EPHA6: variants seen among roughly 807,000 people sequenced by gnomAD.
EPHA6 encodes EPH receptor A6.
A neutral mutation model predicts 112.0 loss-of-function variants in EPHA6; 50 were observed. That is an observed-to-expected ratio of 0.45 (90% CI 0.36 to 0.56). EPHA6 has a LOEUF of 0.56. EPHA6 is among the 20% of genes least tolerant of loss of function. The probability of loss-of-function intolerance (pLI) is 0.00; values close to 1 mark genes in which losing one functional copy is unlikely to be tolerated. For missense variants in EPHA6, 1,280 were observed against 1,417.4 expected (o/e 0.90, Z 1.56); for synonymous variants, 529 against 490.7 (o/e 1.08, Z -1.03).
At chr3:96,909,423 GA>G (rs1403281880) in intron 2 of EPHA6, among the ~76,000 whole-genome samples, 2 of 151,744 alleles carry the variant, frequency 1.3e-5, no homozygotes, top group African/African-American at 4.8e-5. Context: ...ATACTAGTTT[GA>G]TTTTTTTTAA....
At chr3:97,234,745 T>G (rs2078632265) in intron 4 of EPHA6, among the ~76,000 whole-genome samples, 1 of 152,104 alleles carries the variant, frequency 6.6e-6, no homozygotes, top group Admixed American at 6.6e-5. Context: ...TTTATTGCCC[T>G]TTTATCTTTT....
At chr3:97,317,790 T>A (rs2081916541) in intron 5 of EPHA6, among the ~76,000 whole-genome samples, 1 of 151,978 alleles carries the variant, frequency 6.6e-6, no homozygotes, top group Admixed American at 6.6e-5. Flanking sequence ...TTTCTAGAAC[T>A]GCATGGTGCT....
At position 97,106,351 on chromosome 3, in the gene EPHA6, C is replaced by T. The variant is rs1173385381; in HGVS notation, c.1114+118358C>T. On this transcript the variant is annotated intron_variant, in intron 3 of 17. Transcript: ENST00000389672. ...TATGGTTTCCAAACCCTCAGAATTT[C>T]CCCCAATCTCAATTCCAGGTTTACA... Among the ~76,000 whole-genome samples the T allele has an allele frequency of 4.6e-5, 7 of 151,878 alleles. No individual in the cohort carries two copies. The East Asian group carries it at 5.8e-4, about 13-fold the overall frequency.
intron 1 of EPHA6, among the ~76,000 whole-genome samples, chr3:96,860,683 G>A (rs1211229289): frequency 6.6e-6 from 1 of 151,894 alleles, no homozygotes; most frequent in African/African-American, 2.4e-5. Context: ...AGCTAAATGG[G>A]GCACTTCTTT....
intron 11 of EPHA6, among the ~76,000 whole-genome samples, chr3:97,540,642 A>G (rs1241200985): frequency 6.6e-6 from 1 of 152,218 alleles, no homozygotes; most frequent in African/African-American, 2.4e-5. Flanking sequence ...TGTCGGGTAG[A>G]CTACACTATG....
intron 5 of EPHA6, among the ~76,000 whole-genome samples, chr3:97,331,280 C>A (rs1390094248): frequency 6.6e-6 from 1 of 151,832 alleles, no homozygotes; most frequent in African/African-American, 2.4e-5. Context: ...GCACTAAATG[C>A]CCACAAGAGA....
chr3:97,681,201 C>A (rs1472527214), intron 14 of EPHA6, among the ~76,000 whole-genome samples: 1 of 151,976 alleles, frequency 6.6e-6, no homozygotes, highest in African/African-American at 2.4e-5. Flanking sequence ...ATCAAACTGG[C>A]AGAAATTAAA....
chr3:97,006,119 A>T (rs1336771098), intron 3 of EPHA6, among the ~76,000 whole-genome samples: 1 of 152,138 alleles, frequency 6.6e-6, no homozygotes, highest in Non-Finnish European at 1.5e-5. Context: ...TATCAGGATG[A>T]TGTTGGCTTC....
chr3:97,682,886 G>C (rs2031971148), intron 14 of EPHA6, among the ~76,000 whole-genome samples: 1 of 152,136 alleles, frequency 6.6e-6, no homozygotes, highest in Non-Finnish European at 1.5e-5. Context: ...TACAAGAATT[G>C]ATAAACAGAG....
At chr3:97,221,446 G>A (rs1190865011) in intron 3 of EPHA6, among the ~76,000 whole-genome samples, 1 of 149,494 alleles carries the variant, frequency 6.7e-6, no homozygotes, top group Admixed American at 6.7e-5. Flanking sequence ...GTAGAATATA[G>A]ACATATGTTG....
chr3:97,600,622 C>G (rs2093635330), intron 12 of EPHA6, among the ~76,000 whole-genome samples: 1 of 152,020 alleles, frequency 6.6e-6, no homozygotes, highest in African/African-American at 2.4e-5. Context: ...CTACTCTCTT[C>G]CCCAAGAAAA....
chr3:97,210,134 G>T (rs531110926), intron 3 of EPHA6, among the ~76,000 whole-genome samples: 20 of 152,208 alleles, frequency 1.3e-4, no homozygotes, highest in African/African-American at 4.8e-4. Context: ...TTTATAATCT[G>T]AATATCCTTA....
intron 3 of EPHA6, among the ~76,000 whole-genome samples, chr3:97,071,760 G>A (rs891242661): frequency 3.9e-5 from 6 of 151,990 alleles, no homozygotes; most frequent in Non-Finnish European, 8.8e-5. Flanking sequence ...GAGGGGAACA[G>A]GTGGTGTTTG....
At position 96,987,654 on chromosome 3, in the gene EPHA6, C is replaced by T; in HGVS notation, c.775C>T (p.Arg259Cys). 1.2e-6 allele frequency: 2 copies of T among 1,607,656 alleles called. No individual in the cohort carries two copies. The highest frequency in any genetic ancestry group is 2.2e-5 in the East Asian group (1 of 44,760). The change falls in exon 3 of 18, where the codon CGC becomes TGC. Residue 259 changes from arginine (R) to cysteine (C), a missense_variant. Physicochemically the swap from Arg to Cys is radical, Grantham distance 180. Around this residue, in one of 4 missense-constraint regions of EPHA6, gnomAD observed 878 missense variants for 999.7 expected, o/e 0.88. Coordinates refer to ENST00000389672, the MANE Select transcript of EPHA6 (RefSeq NM_001080448.3). Reference sequence around the variant, plus strand: ...TTTTACCCAGATGGATTTGGGTGATCGCATCCTCAAACTCAACACTGAAAT... The same window carrying T: ...TTTTACCCAGATGGATTTGGGTGATTGCATCCTCAAACTCAACACTGAAAT... Reference protein sequence around the residue: ...ESFTQMDLGDRILKLNTEIRE... With the variant: ...ESFTQMDLGDCILKLNTEIRE...
At chr3:97,293,759 ACTGGGGAC>A (rs1231965294) in intron 5 of EPHA6, among the ~76,000 whole-genome samples, 1 of 152,150 alleles carries the variant, frequency 6.6e-6, no homozygotes, top group East Asian at 1.9e-4. Flanking sequence ...GAGGGGTTTC[ACTGGGGAC>A]CTGCCCCTTC....
intron 1 of EPHA6, among the ~76,000 whole-genome samples, chr3:96,859,475 G>T (rs1330378266): frequency 1.3e-5 from 2 of 150,876 alleles, no homozygotes; most frequent in Non-Finnish European, 2.9e-5. Flanking sequence ...TAGAACTCCT[G>T]GGCTCAAGCG....
intron 3 of EPHA6, among the ~76,000 whole-genome samples, chr3:97,075,981 A>G (rs1324422428): frequency 6.6e-6 from 1 of 151,926 alleles, no homozygotes; most frequent in East Asian, 1.9e-4. Flanking sequence ...CTGGCTGTTC[A>G]CCTTTCTCTC....
chr3:97,586,082 A>T (rs1406920244), intron 11 of EPHA6, among the ~76,000 whole-genome samples: 1 of 152,168 alleles, frequency 6.6e-6, no homozygotes, highest in Admixed American at 6.5e-5. Flanking sequence ...ATCCTAGCAA[A>T]ATATTTGCTT....
At chr3:97,132,831 A>G (rs890176635) in intron 3 of EPHA6, among the ~76,000 whole-genome samples, 1 of 152,078 alleles carries the variant, frequency 6.6e-6, no homozygotes, top group Non-Finnish European at 1.5e-5. Context: ...GTAAATTTAC[A>G]AAAACTAATC....
Sources: allele counts gnomAD v4.1 joint callset (sites outside exome capture counted in the v4.1 genomes callset), GRCh38; gene constraint gnomAD v4.1.1; regional missense constraint gnomAD v4.1.1; transcripts MANE v1.5; gene names NCBI Gene and HGNC (gene_info 2026-07-23, HGNC 2026-07-21).